ACOT7: variants seen among roughly 807,000 people sequenced by gnomAD.
ACOT7 encodes the protein cytosolic acyl coenzyme A thioester hydrolase.
In ACOT7, 12 loss-of-function variants were observed where a neutral mutation model predicts 40.2. The observed-to-expected ratio is 0.30, with a 90% CI of 0.19 to 0.48. ACOT7 has a LOEUF of 0.48. ACOT7 is among the 20% of genes least tolerant of loss of function. The probability of loss-of-function intolerance (pLI) is 0.99; values close to 1 mark genes in which losing one functional copy is unlikely to be tolerated. For missense variants in ACOT7, 395 were observed against 530.8 expected, an observed-to-expected ratio of 0.74 and a Z score of 2.51; for synonymous variants, 228 against 219.5, an observed-to-expected ratio of 1.04 and a Z score of -0.34.
At chr1:6,363,111 G>A (rs909322746) in intron 1 of ACOT7, among the ~76,000 whole-genome samples, 1 of 152,042 alleles carries the variant, frequency 6.6e-6, no homozygotes, top group South Asian at 2.1e-4. Flanking sequence ...AATAATCCTC[G>A]CTCTATAATC....
chr1:6,290,893 A>G (rs1438207033), intron 7 of ACOT7, among the ~76,000 whole-genome samples: 3 of 152,142 alleles, frequency 2.0e-5, no homozygotes, highest in Non-Finnish European at 4.4e-5. Context: ...GCTCTTCTCA[A>G]AAGTGGGGGG....
chr1:6,294,445 G>A lies in ACOT7; in HGVS notation c.829+419C>T, dbSNP rs1639756553. 6.6e-6 allele frequency among the ~76,000 whole-genome samples: 1 copy of A among 152,222 alleles called. No individual in the cohort carries two copies. Among genetic ancestry groups the A allele is most frequent in the African/African-American group, 2.4e-5 (1 of 41,462 alleles). On this transcript the variant is annotated intron_variant, in intron 7 of 8. Coordinates refer to ENST00000361521, the MANE Select transcript of ACOT7 (RefSeq NM_007274.4). The surrounding 1 kb of genome is among the most constrained non-coding windows in gnomAD (Gnocchi z 4.6). Reference sequence around the variant, plus strand: ...GGGTGGCGTGGGCAGGGCTGGCCGAGGAGGGGCTCCTGCGGGCTTTTCTGT... The same window carrying A: ...GGGTGGCGTGGGCAGGGCTGGCCGAAGAGGGGCTCCTGCGGGCTTTTCTGT...
intron 5 of ACOT7, among the ~76,000 whole-genome samples, chr1:6,326,306 A>G (rs1463333749): frequency 6.6e-6 from 1 of 152,208 alleles, no homozygotes; most frequent in Admixed American, 6.5e-5. Flanking sequence ...GATGCTCCCC[A>G]GGGCCCCCTG....
rs540302792 is a variant in ACOT7, at chr1:6,359,157, C to T, written c.144-9291G>A. 4.5e-4 allele frequency: 124 copies of T among 276,012 alleles called. No individual in the cohort carries two copies. Among genetic ancestry groups the T allele is most frequent in the African/African-American group, 2.5e-3 (112 of 44,988 alleles). 17.1% of individuals were successfully genotyped at this position (276,012 alleles called of 1,614,324 possible). The stretch of plus-strand genomic sequence containing the variant: ...GGAAGGCAGAGGGGCCGCTGCTGAG[C>T]GGCCTCAGGGAAGCGGCTATGAGGC... On this transcript the variant is annotated intron_variant, in intron 1 of 8. Coordinates refer to ENST00000361521, the MANE Select transcript of ACOT7 (RefSeq NM_007274.4). The surrounding 1 kb of genome is among the most constrained non-coding windows in gnomAD (Gnocchi z 4.1).
intron 7 of ACOT7, among the ~76,000 whole-genome samples, chr1:6,286,930 T>C (rs778804232): frequency 1.3e-5 from 2 of 152,182 alleles, no homozygotes; most frequent in African/African-American, 2.4e-5. Context: ...AAAGGAATCA[T>C]ACCACAAAGT....
At chr1:6,270,780 C>T (rs1225425562) in intron 8 of ACOT7, among the ~76,000 whole-genome samples, 1 of 152,206 alleles carries the variant, frequency 6.6e-6, no homozygotes, top group Non-Finnish European at 1.5e-5. Flanking sequence ...GGTGGTCCTG[C>T]TGTCCTCAGA....
Position 6,301,725 on chromosome 1 carries a change from C to T in ACOT7, c.713-6745G>A, listed in dbSNP as rs546502508. Among the ~76,000 whole-genome samples, 7 of 152,298 alleles carry T rather than the reference C, an allele frequency of 4.6e-5. No individual in the cohort carries two copies. The highest frequency in any genetic ancestry group is 3.4e-3 in the Middle Eastern group (1 of 294). ...TGTGGCTCCTTCAGGCAACAATTTG[C>T]GTCAAGAATTAGTCACAGATGAGGG... On this transcript the variant is annotated intron_variant, in intron 6 of 8. Coordinates refer to ENST00000361521, the MANE Select transcript of ACOT7 (RefSeq NM_007274.4). This position sits in a 1 kb window ranked among gnomAD's most constrained non-coding sequence, Gnocchi z 4.1.
intron 7 of ACOT7, among the ~76,000 whole-genome samples, chr1:6,292,344 G>A (rs1237980679): frequency 6.6e-6 from 1 of 152,234 alleles, no homozygotes; most frequent in African/African-American, 2.4e-5. Flanking sequence ...CGGGAATCAG[G>A]CGAGCCCACC....
intron 8 of ACOT7, among the ~76,000 whole-genome samples, chr1:6,273,129 G>A (rs1296157964): frequency 6.6e-6 from 1 of 152,272 alleles, no homozygotes; most frequent in Non-Finnish European, 1.5e-5. Flanking sequence ...CATCAGAAGA[G>A]CTACCTACCA....
At chr1:6,349,253 C>T (rs1026331678) in intron 2 of ACOT7, among the ~76,000 whole-genome samples, 1 of 152,204 alleles carries the variant, frequency 6.6e-6, no homozygotes, top group African/African-American at 2.4e-5. Flanking sequence ...CCATTGTGGG[C>T]ACAGTGGTAC....
At chr1:6,308,435 C>T (rs1186990217) in intron 6 of ACOT7, among the ~76,000 whole-genome samples, 2 of 149,312 alleles carry the variant, frequency 1.3e-5, no homozygotes, top group Non-Finnish European at 3.0e-5. Flanking sequence ...GGAACAGCAA[C>T]AGGCAGAGGG....
At position 6,264,710 on chromosome 1, in the gene ACOT7, CAG is replaced by C. The variant is rs776183530; in HGVS notation, c.1015-17_1015-16del. 332 of 1,611,874 alleles carry C rather than the reference CAG, an allele frequency of 2.1e-4. No individual in the cohort carries two copies. Among genetic ancestry groups the C allele is most frequent in the Non-Finnish European group, 2.4e-4 (286 of 1,179,508 alleles). On this transcript the variant is annotated splice_polypyrimidine_tract_variant and intron_variant, in intron 8 of 8. Transcript: ENST00000361521. ...TCGGTCTCGGGCTGTGGACCACACA[CAG>C]AGACAGGCAGGTTAGGGTCACTGCA...
chr1:6,273,073 G>A (rs921998668), intron 8 of ACOT7, among the ~76,000 whole-genome samples: 3 of 152,210 alleles, frequency 2.0e-5, no homozygotes, highest in East Asian at 3.9e-4. Context: ...AGCTCACTGT[G>A]CCCAGGTGGG....
chr1:6,298,713 T>G (rs540545110), intron 6 of ACOT7, among the ~76,000 whole-genome samples: 4 of 152,146 alleles, frequency 2.6e-5, no homozygotes, highest in Non-Finnish European at 5.9e-5. Flanking sequence ...AAGGTGCAGG[T>G]TGGCTAAGCC....
In ACOT7 at chr1:6,304,355, A is replaced by AC. The variant is rs1252377860; in HGVS notation, c.713-9376dup. On this transcript the variant is annotated intron_variant, in intron 6 of 8. Transcript: ENST00000361521. ...AAAAGAAAGAAAAGAAAAGAAAAACACCCCCATCCGACCCGTACACAGGTA... is the reference window on the plus strand; with the variant it reads ...AAAAGAAAGAAAAGAAAAGAAAAACACCCCCCATCCGACCCGTACACAGGTA... Among the ~76,000 whole-genome samples the AC allele has an allele frequency of 2.6e-4, 36 of 137,870 alleles. No individual in the cohort carries two copies. In the East Asian group the frequency reaches 6.0e-3, roughly 23 times the overall value. 90.4% of individuals were successfully genotyped at this position (137,870 alleles called of 152,430 possible).
intron 8 of ACOT7, among the ~76,000 whole-genome samples, chr1:6,269,423 A>T (rs540275320): frequency 5.9e-5 from 9 of 152,298 alleles, no homozygotes; most frequent in African/African-American, 2.2e-4. Context: ...CCCTGCCCTC[A>T]GCCATATTAT....
In ACOT7 at chr1:6,352,942, G is replaced by C. The variant is rs1315058337; in HGVS notation, c.144-3076C>G. ...CACCCAGGCTGGAGTACAGTGGCAT[G>C]ATCTTGGCTCACTGCAAACTCCGTC... is the stretch of plus-strand genomic sequence containing the variant. On this transcript the variant is annotated intron_variant, in intron 1 of 8. Coordinates refer to ENST00000361521, the MANE Select transcript of ACOT7 (RefSeq NM_007274.4). The surrounding 1 kb of genome is among the most constrained non-coding windows in gnomAD (Gnocchi z 4.5). Among the ~76,000 whole-genome samples, 2 of 152,038 alleles carry C rather than the reference G, an allele frequency of 1.3e-5. No individual in the cohort carries two copies. The highest frequency in any genetic ancestry group is 4.8e-5 in the African/African-American group (2 of 41,400).
chr1:6,386,200 TC>T (rs1417647504), intron 1 of ACOT7, among the ~76,000 whole-genome samples: 4 of 152,124 alleles, frequency 2.6e-5, no homozygotes, highest in Non-Finnish European at 2.9e-5. Flanking sequence ...TGCCTGGCCC[TC>T]CTCTGACAGT....
intron 1 of ACOT7, among the ~76,000 whole-genome samples, chr1:6,351,633 G>A (rs902305332): frequency 6.6e-6 from 1 of 152,210 alleles, no homozygotes; most frequent in African/African-American, 2.4e-5. Flanking sequence ...GCAGGGCCCA[G>A]CTCCTGGTTC....
Sources: gnomAD v4.1 joint callset for allele counts (sites outside exome capture counted in the v4.1 genomes callset) on GRCh38, gnomAD v4.1.1 for gene constraint, Gnocchi (gnomAD v3.1) non-coding constraint, MANE v1.5 for transcripts, NCBI Gene and HGNC (gene_info 2026-07-23, HGNC 2026-07-21) for gene names.